Variants in HUNK observed in about 807,000 individuals in gnomAD.
HUNK encodes hormonally up-regulated Neu-associated kinase, also known as hormonally up-regulated neu tumor-associated kinase.
HUNK carries 21 observed loss-of-function variants against 61.0 expected under a neutral mutation model. The observed-to-expected ratio is 0.34, with a 90% CI of 0.24 to 0.50. The LOEUF (loss-of-function observed/expected upper bound fraction) is 0.50. Ranked by LOEUF, HUNK falls within the 20% of genes least tolerant of loss-of-function variation. The probability of loss-of-function intolerance (pLI) is 0.98; values close to 1 mark genes in which losing one functional copy is unlikely to be tolerated. For synonymous variants in HUNK, 371 were observed against 386.1 expected (o/e 0.96, Z 0.46); for missense variants, 772 against 945.7 (o/e 0.82, Z 2.41).
chr21:31,943,183 C>T (rs1379785386), intron 3 of HUNK, among the ~76,000 whole-genome samples: 1 of 151,976 alleles, frequency 6.6e-6, no homozygotes, highest in Non-Finnish European at 1.5e-5. Context: ...TCTACTTAAG[C>T]CATGTTTCAA....
rs2053231396 is a variant in HUNK, at chr21:31,999,450, C to T, written c.*266C>T. 1 of 422,862 alleles carries T rather than the reference C, an allele frequency of 2.4e-6. No homozygotes were observed. The highest frequency in any genetic ancestry group is 2.0e-5 in the African/African-American group (1 of 50,564). 26.2% of individuals were successfully genotyped at this position (422,862 alleles called of 1,614,324 possible). ...CTCCCAAGTACTCACCAACCCCTTCCACTTCCCACTTCCCCCAGGCTTGGG... is the reference window on the plus strand; with the variant it reads ...CTCCCAAGTACTCACCAACCCCTTCTACTTCCCACTTCCCCCAGGCTTGGG... On this transcript the variant is annotated 3_prime_UTR_variant, in exon 11 of 11. Transcript: ENST00000270112.
intron 1 of HUNK, among the ~76,000 whole-genome samples, chr21:31,913,007 C>T (rs2052556871): frequency 6.6e-6 from 1 of 152,176 alleles, no homozygotes; most frequent in Non-Finnish European, 1.5e-5. Context: ...TTATACTGGC[C>T]TCCTGTAGTG....
At position 31,873,711 on chromosome 21, in the gene HUNK, C is replaced by G. The variant is rs943351469; in HGVS notation, c.37C>G (p.Pro13Ala). ...AAAGDGLLGEPAAPGGGGGAE... is the reference protein window; with the variant it reads ...AAAGDGLLGEAAAPGGGGGAE... Reference sequence around the variant, plus strand: ...GGCGGGGGACGGGCTCCTGGGGGAGCCGGCGGCGCCTGGGGGCGGCGGCGG... The same window carrying G: ...GGCGGGGGACGGGCTCCTGGGGGAGGCGGCGGCGCCTGGGGGCGGCGGCGG... Residue 13 changes from proline to alanine, a missense_variant, in exon 1 of 11, where the codon CCG becomes GCG. Around this residue, in one of 2 missense-constraint regions of HUNK, gnomAD observed 359 missense variants for 501.3 expected, o/e 0.72. Coordinates refer to ENST00000270112, the MANE Select transcript of HUNK (RefSeq NM_014586.2). This position sits in a 1 kb window ranked among gnomAD's most constrained non-coding sequence, Gnocchi z 6.1. 2.9e-5 allele frequency: 34 copies of G among 1,171,354 alleles called. No homozygotes were observed. The African/African-American group carries it at 5.4e-4, about 19-fold the overall frequency. 72.6% of individuals were successfully genotyped at this position (1,171,354 alleles called of 1,614,324 possible).
chr21:31,898,204 TG>T (rs11304799), intron 1 of HUNK, among the ~76,000 whole-genome samples: 152,299 of 152,302 alleles, frequency 1, 76,148 homozygotes, highest in Non-Finnish European at 1. Flanking sequence ...AAACCCCACC[TG>T]GGCAAAACCA....
chr21:31,995,622 C>A (rs1387903283), intron 9 of HUNK, 146 bp from the exon 10 acceptor site: 37 of 708,048 alleles, frequency 5.2e-5, no homozygotes. Flanking sequence ...TGGGCCACAG[C>A]TCCTCCCTCA....
chr21:31,934,442 CAAA>C (rs35817125), intron 2 of HUNK, among the ~76,000 whole-genome samples: 7 of 88,802 alleles, frequency 7.9e-5, no homozygotes, highest in Non-Finnish European at 9.6e-5. Context: ...GACTCTGCCT[CAAA>C]AAAAAAAAAA....
chr21:31,895,115 G>A (rs2052416455), intron 1 of HUNK, among the ~76,000 whole-genome samples: 1 of 152,198 alleles, frequency 6.6e-6, no homozygotes, highest in African/African-American at 2.4e-5. Context: ...GAGAAGCAAG[G>A]TGAAGAATTT....
chr21:31,929,846 CCTT>C (rs2052685066), intron 2 of HUNK, among the ~76,000 whole-genome samples: 1 of 152,132 alleles, frequency 6.6e-6, no homozygotes, highest in Non-Finnish European at 1.5e-5. Context: ...GAGAGGAGGC[CCTT>C]CTTTGTTCTT....
chr21:31,952,168 A>G (rs927323354), intron 4 of HUNK, among the ~76,000 whole-genome samples: 4 of 151,500 alleles, frequency 2.6e-5, no homozygotes, highest in African/African-American at 7.3e-5. Context: ...GAGATCTGAG[A>G]TTTTCCAAAT....
chr21:31,957,444 C>T (rs1363319768), intron 4 of HUNK, among the ~76,000 whole-genome samples: 1 of 152,192 alleles, frequency 6.6e-6, no homozygotes, highest in African/African-American at 2.4e-5. Flanking sequence ...GCGGTGGGCT[C>T]CAGTACCTGT....
At chr21:31,979,437 C>G (rs1184904250) in intron 7 of HUNK, among the ~76,000 whole-genome samples, 2 of 48,790 alleles carry the variant, frequency 4.1e-5, no homozygotes, top group African/African-American at 6.7e-5. Context: ...ATTTCTATGT[C>G]TTCTTTTGAG....
intron 2 of HUNK, among the ~76,000 whole-genome samples, chr21:31,939,399 G>GTTTTTTTT (rs398036365): frequency 1.5e-5 from 1 of 66,732 alleles, no homozygotes; most frequent in Non-Finnish European, 2.7e-5. Context: ...GCTTTCATGT[G>GTTTTTTTT]TTTTTTTTTT....
intron 1 of HUNK, among the ~76,000 whole-genome samples, chr21:31,889,147 T>C (rs2052369305): frequency 6.6e-6 from 1 of 152,202 alleles, no homozygotes; most frequent in Non-Finnish European, 1.5e-5. Context: ...CCTACGAGAA[T>C]GAACACAGAT....
At chr21:31,927,866 C>T (rs1014080855) in intron 2 of HUNK, among the ~76,000 whole-genome samples, 7 of 152,148 alleles carry the variant, frequency 4.6e-5, no homozygotes, top group Non-Finnish European at 1.0e-4. Flanking sequence ...CAATCATTTC[C>T]GCCTCACCAA....
rs2053258531 is a variant in HUNK, at chr21:32,003,362, G to T, written c.*4178G>T. ...AAGCAGCAAACCCCTGGATAGCCTT[G>T]TTATCTACTTTAGGTATTAAGAGGC... On this transcript the variant is annotated 3_prime_UTR_variant, in exon 11 of 11. Transcript: ENST00000270112. 1 of 152,052 alleles carries T rather than the reference G, an allele frequency of 6.6e-6. No individual in the cohort carries two copies. The highest frequency in any genetic ancestry group is 1.5e-5 in the Non-Finnish European group (1 of 67,998). 9.4% of individuals were successfully genotyped at this position (152,052 alleles called of 1,614,324 possible). A position where few individuals can be genotyped will look rare whatever the true frequency, so the allele number is the denominator to read the frequency against.
chr21:31,974,759 A>T (rs2053037056), intron 7 of HUNK, 42 bp downstream of exon 7: 1 of 1,531,396 alleles, frequency 6.5e-7, no homozygotes, highest in African/African-American at 1.4e-5. Context: ...CTGTCTGTGG[A>T]AAAAAGAGCT....
At chr21:31,954,800 GA>G (rs1021401755) in intron 4 of HUNK, among the ~76,000 whole-genome samples, 1 of 151,728 alleles carries the variant, frequency 6.6e-6, no homozygotes, top group African/African-American at 2.4e-5. Context: ...TTTTTTTTAA[GA>G]GTCAGGGTCT....
intron 8 of HUNK, among the ~76,000 whole-genome samples, chr21:31,988,271 A>G (rs2053147500): frequency 6.6e-6 from 1 of 152,162 alleles, no homozygotes; most frequent in Non-Finnish European, 1.5e-5. Context: ...TGGGGAGGTT[A>G]TCATTTTAAA....
chr21:31,888,642 A>C (rs577319236), intron 1 of HUNK, among the ~76,000 whole-genome samples: 1 of 152,308 alleles, frequency 6.6e-6, no homozygotes, highest in South Asian at 2.1e-4. Flanking sequence ...CGGGAGGCTG[A>C]GGCAGGAGAA....
Sources: allele counts gnomAD v4.1 joint callset (sites outside exome capture counted in the v4.1 genomes callset), GRCh38; gene constraint gnomAD v4.1.1; regional missense constraint gnomAD v4.1.1; non-coding constraint Gnocchi (gnomAD v3.1); transcripts MANE v1.5; gene names NCBI Gene and HGNC (gene_info 2026-07-23, HGNC 2026-07-21).